Variants in NDUFS4 observed in about 807,000 individuals in gnomAD.
NDUFS4 encodes the protein NADH dehydrogenase [ubiquinone] iron-sulfur protein 4, mitochondrial.
A neutral mutation model predicts 24.3 loss-of-function variants in NDUFS4; 28 were observed. The ratio of observed to expected loss-of-function variants is 1.15; its 90% CI spans 0.85 to 1.58. The LOEUF (loss-of-function observed/expected upper bound fraction) is 1.58, where lower values mean the gene tolerates loss of function less well. NDUFS4 is among the 40% of genes most tolerant of loss of function. NDUFS4 has a pLI of 0.00. For synonymous variants in NDUFS4, 93 were observed against 69.7 expected (o/e 1.34, Z -1.67); for missense variants, 223 against 207.9 (o/e 1.07, Z -0.45).
intron 2 of NDUFS4, among the ~76,000 whole-genome samples, chr5:53,607,069 CAGA>C (rs1750540935): frequency 6.6e-6 from 1 of 152,148 alleles, no homozygotes; most frequent in African/African-American, 2.4e-5. Flanking sequence ...ATCCACAATA[CAGA>C]AGGCACAGAT....
At chr5:53,587,964 G>A (rs564323883) in intron 1 of NDUFS4, among the ~76,000 whole-genome samples, 1 of 152,118 alleles carries the variant, frequency 6.6e-6, no homozygotes, top group Non-Finnish European at 1.5e-5. Context: ...ATAATTACTT[G>A]TTTAGGTTGA....
chr5:53,681,520 A>G (rs960384419), intron 4 of NDUFS4, among the ~76,000 whole-genome samples: 1 of 152,128 alleles, frequency 6.6e-6, no homozygotes, highest in Non-Finnish European at 1.5e-5. Context: ...TGAAATGGAG[A>G]TAACTACTTG....
chr5:53,565,696 CTG>C lies in NDUFS4; in HGVS notation c.98+4938_98+4939del, dbSNP rs199745645. ...GAGTGTAGGATATTCACCTAGAACT[CTG>C]TTAACTTTTGGATTGAAGTTGTCTT... On this transcript the variant is annotated intron_variant, in intron 1 of 4. Coordinates refer to ENST00000296684, the MANE Select transcript of NDUFS4 (RefSeq NM_002495.4). 7.7e-4 allele frequency among the ~76,000 whole-genome samples: 117 copies of C among 152,286 alleles called. 1 individual carries two copies. In the East Asian group the frequency reaches 0.022, roughly 28 times the overall value.
intron 1 of NDUFS4, among the ~76,000 whole-genome samples, chr5:53,599,369 T>C (rs1750241000): frequency 6.6e-6 from 1 of 152,156 alleles, no homozygotes; most frequent in South Asian, 2.1e-4. Flanking sequence ...GGTAGTACCA[T>C]TTTACATTCC....
rs533051437 is a variant in NDUFS4, at chr5:53,666,370, A to G, written c.424+7746A>G. Among the ~76,000 whole-genome samples the G allele has an allele frequency of 3.8e-4, 58 of 152,314 alleles. 1 individual carries two copies. Among genetic ancestry groups the G allele is most frequent in the African/African-American group, 1.3e-3 (52 of 41,580 alleles). On this transcript the variant is annotated intron_variant, in intron 4 of 4. Coordinates refer to ENST00000296684, the MANE Select transcript of NDUFS4 (RefSeq NM_002495.4). ...CCAGTGTGAGCTCACCACTGTTCCTATTAAAATCAAGTGCCTTTCTATCTG... is the reference window on the plus strand; with the variant it reads ...CCAGTGTGAGCTCACCACTGTTCCTGTTAAAATCAAGTGCCTTTCTATCTG...
At chr5:53,561,827 G>A (rs935808330) in intron 1 of NDUFS4, among the ~76,000 whole-genome samples, 2 of 152,056 alleles carry the variant, frequency 1.3e-5, no homozygotes, top group Non-Finnish European at 2.9e-5. Context: ...GTGTTGGGTG[G>A]GAAAGAAGAG....
At chr5:53,646,682 A>G (rs535049022) in intron 3 of NDUFS4, among the ~76,000 whole-genome samples, 24 of 147,682 alleles carry the variant, frequency 1.6e-4, no homozygotes, top group Non-Finnish European at 2.4e-4. Context: ...ACTCAAAGCT[A>G]TGTATACAGC....
intron 4 of NDUFS4, among the ~76,000 whole-genome samples, chr5:53,663,346 T>TCC: frequency 6.6e-6 from 1 of 152,204 alleles, no homozygotes; most frequent in African/African-American, 2.4e-5. Flanking sequence ...GTCTATTAGG[T>TCC]TTGCTTGGTG....
intron 4 of NDUFS4, among the ~76,000 whole-genome samples, chr5:53,675,447 C>T (rs982634219): frequency 7.9e-5 from 12 of 152,296 alleles, no homozygotes; most frequent in Admixed American, 5.9e-4. Flanking sequence ...CAGGCGTGAG[C>T]CACCACGCCA....
In NDUFS4 at chr5:53,566,810, A is replaced by G. The variant is rs551583354; in HGVS notation, c.98+6050A>G. Among the ~76,000 whole-genome samples, 248 of 151,872 alleles carry G rather than the reference A, an allele frequency of 1.6e-3. 2 individuals are homozygous for G. Among genetic ancestry groups the G allele is most frequent in the Admixed American group, 3.5e-3 (53 of 15,246 alleles). ...ATGAAAAGAAAAAAGACTGTACATG[A>G]TAAGTACAGATGCAGTTTTTCCTCC... On this transcript the variant is annotated intron_variant, in intron 1 of 4. Coordinates refer to ENST00000296684, the MANE Select transcript of NDUFS4 (RefSeq NM_002495.4).
At chr5:53,603,328 T>C in intron 1 of NDUFS4, 124 bp from the exon 2 acceptor site, 1 of 724,992 alleles carries the variant, frequency 1.4e-6, no homozygotes, top group Non-Finnish European at 2.2e-6. Flanking sequence ...TTCTCTTTCT[T>C]TCCTTTCCTT....
chr5:53,629,615 T>G (rs1751343765), intron 2 of NDUFS4, among the ~76,000 whole-genome samples: 1 of 152,214 alleles, frequency 6.6e-6, no homozygotes. Flanking sequence ...GTTGAATTGA[T>G]CCCTTTACCA....
chr5:53,576,167 G>A (rs146007578), intron 1 of NDUFS4, among the ~76,000 whole-genome samples: 1,547 of 152,288 alleles, frequency 0.01, 21 homozygotes, highest in African/African-American at 0.035. Flanking sequence ...AATCAGAGTG[G>A]GGGATTAATG....
chr5:53,625,627 A>G (rs1253613844), intron 2 of NDUFS4, among the ~76,000 whole-genome samples: 1 of 152,040 alleles, frequency 6.6e-6, no homozygotes, highest in African/African-American at 2.4e-5. Flanking sequence ...GTTGGTGTCC[A>G]ATTTTCTATT....
intron 1 of NDUFS4, among the ~76,000 whole-genome samples, chr5:53,599,094 A>C (rs1428010652): frequency 6.6e-6 from 1 of 152,172 alleles, no homozygotes; most frequent in Non-Finnish European, 1.5e-5. Flanking sequence ...TCTAATGATT[A>C]CACATTAGTC....
chr5:53,582,210 C>CAAAATAAAAT (rs374195906), intron 1 of NDUFS4, among the ~76,000 whole-genome samples: 14,847 of 117,440 alleles, frequency 0.13, 863 homozygotes, highest in Middle Eastern at 0.19. Flanking sequence ...GACTCTGTCT[C>CAAAATAAAAT]AAAATAAAAT....
At chr5:53,572,560 A>G (rs1749244807) in intron 1 of NDUFS4, among the ~76,000 whole-genome samples, 1 of 151,682 alleles carries the variant, frequency 6.6e-6, no homozygotes, top group Non-Finnish European at 1.5e-5. Context: ...GTTTACTAGT[A>G]TTTTTCCTTT....
chr5:53,614,976 A>G (rs564694618), intron 2 of NDUFS4, among the ~76,000 whole-genome samples: 8 of 152,064 alleles, frequency 5.3e-5, no homozygotes, highest in Non-Finnish European at 1.2e-4. Context: ...TGAAGTACAT[A>G]AACTGTATGT....
chr5:53,673,792 A>G (rs997377981), intron 4 of NDUFS4, among the ~76,000 whole-genome samples: 3 of 152,166 alleles, frequency 2.0e-5, no homozygotes, highest in Non-Finnish European at 4.4e-5. Context: ...TGGAGAATTG[A>G]AAATGGTTAC....
Sources: allele counts gnomAD v4.1 joint callset (sites outside exome capture counted in the v4.1 genomes callset), GRCh38; gene constraint gnomAD v4.1.1; transcripts MANE v1.5; gene names NCBI Gene and HGNC (gene_info 2026-07-23, HGNC 2026-07-21).